The following HAUS7 variants were observed in gnomAD, a reference collection of about 807,000 sequenced individuals.
HAUS7 encodes the protein HAUS augmin-like complex subunit 7.
A neutral mutation model predicts 28.4 loss-of-function variants in HAUS7; 3 were observed. That is an observed-to-expected ratio of 0.11 (90% CI 0.05 to 0.27). HAUS7 has a LOEUF of 0.27. Among genes scored for constraint, HAUS7 ranks in the 10% least tolerant of loss-of-function variants. HAUS7 has a pLI of 1.00. For synonymous variants in HAUS7, 165 were observed against 132.1 expected (o/e 1.25, Z -1.71); for missense variants, 284 against 297.3 (o/e 0.96, Z 0.33).
In HAUS7 at chrX:153,484,859, G is replaced by A. The variant is rs73632797; in HGVS notation, c.-589+10515C>T. Reference sequence around the variant, plus strand: ...GCCGCGGCCTCTCCTGGACTCTGGCGCCACCCATCTCTTTTCGGGCTGGTG... The same window carrying A: ...GCCGCGGCCTCTCCTGGACTCTGGCACCACCCATCTCTTTTCGGGCTGGTG... On this transcript the variant is annotated intron_variant, in intron 1 of 5. Transcript: ENST00000370210. Among the ~76,000 whole-genome samples, 584 of 112,747 alleles carry A rather than the reference G, an allele frequency of 5.2e-3. 4 individuals are homozygous for A. The highest frequency in any genetic ancestry group is 0.018 in the African/African-American group (566 of 31,107).
At chrX:153,488,319 G>A (rs782148929) in intron 1 of HAUS7, among the ~76,000 whole-genome samples, 3 of 113,042 alleles carry the variant, frequency 2.7e-5, no homozygotes, top group Admixed American at 9.2e-5. Context: ...CTCTGCCTCC[G>A]GGCTGCTGGA....
chrX:153,475,881 G>C (rs1307633553), intron 1 of HAUS7, among the ~76,000 whole-genome samples: 2 of 111,706 alleles, frequency 1.8e-5, no homozygotes, highest in African/African-American at 6.5e-5. Flanking sequence ...AGGCCCAAAT[G>C]CTCCTGACCC....
At chrX:153,482,638 T>C (rs1190416070) in intron 1 of HAUS7, 2 of 733,245 alleles carry the variant, frequency 2.7e-6, no homozygotes, top group Non-Finnish European at 3.2e-6. Context: ...GGCCCTGGCC[T>C]CTAGGGGCAG....
At chrX:153,459,521 T>C (rs781891008) in intron 4 of HAUS7, among the ~76,000 whole-genome samples, 31 of 111,608 alleles carry the variant, frequency 2.8e-4, no homozygotes, top group Admixed American at 5.7e-4. Context: ...GCCTGTCTAC[T>C]GCAGCCCCTA....
At chrX:153,451,055 T>C (rs1209034255) in intron 9 of HAUS7, among the ~76,000 whole-genome samples, 2 of 112,321 alleles carry the variant, frequency 1.8e-5, no homozygotes, top group African/African-American at 6.5e-5. Flanking sequence ...ATGCCCGCCG[T>C]AGGCCTGCTC....
At chrX:153,454,845 G>A (rs1556981721) in intron 8 of HAUS7, 2 of 943,065 alleles carry the variant, frequency 2.1e-6, no homozygotes, top group Non-Finnish European at 2.9e-6. Flanking sequence ...AATGTCCCAA[G>A]AAAAATGGAC....
In HAUS7 at chrX:153,465,058, G is replaced by T; in HGVS notation, c.225-3C>A. On this transcript the variant is annotated splice_polypyrimidine_tract_variant and splice_region_variant and intron_variant, in intron 2 of 9. Transcript: ENST00000370211. Reference sequence around the variant, plus strand: ...TGTCCTGCAGTGAGGGCCAGACCCTGCAGGGAAACAGCAGAGCTGGTCAGG... The same window carrying T: ...TGTCCTGCAGTGAGGGCCAGACCCTTCAGGGAAACAGCAGAGCTGGTCAGG... 8.5e-7 allele frequency: 1 copy of T among 1,181,943 alleles called. No homozygotes were observed. The highest frequency in any genetic ancestry group is 1.2e-6 in the Non-Finnish European group (1 of 868,751).
intron 4 of HAUS7, among the ~76,000 whole-genome samples, chrX:153,459,248 T>C (rs1397575390): frequency 1.8e-5 from 2 of 111,964 alleles, no homozygotes; most frequent in Admixed American, 9.5e-5. Flanking sequence ...TTTTCTGTCT[T>C]TCTTATTGAG....
chrX:153,480,436 C>G (rs2089592373), intron 1 of HAUS7: 3 of 265,751 alleles, frequency 1.1e-5, no homozygotes, highest in South Asian at 1.8e-4. Flanking sequence ...ACTCTGTTCT[C>G]TCGCCAGTGC....
intron 1 of HAUS7, chrX:153,483,508 A>T: frequency 2.7e-6 from 2 of 741,991 alleles, no homozygotes; most frequent in Non-Finnish European, 3.2e-6. Flanking sequence ...AGGATGGCCC[A>T]GAGCAGCCCC....
chrX:153,489,346 G>A (rs1024948651), intron 1 of HAUS7, among the ~76,000 whole-genome samples: 6 of 112,282 alleles, frequency 5.3e-5, no homozygotes, highest in African/African-American at 6.5e-5. Flanking sequence ...CACGGGCCAC[G>A]CTCCGACACC....
At chrX:153,482,416 C>T in intron 1 of HAUS7, 1 of 756,650 alleles carries the variant, frequency 1.3e-6, no homozygotes, top group Non-Finnish European at 1.6e-6. Context: ...AGCTCAAACT[C>T]AACGACAACC....
At chrX:153,462,155 A>C in intron 4 of HAUS7, 2 of 1,033,425 alleles carry the variant, frequency 1.9e-6, no homozygotes, top group Non-Finnish European at 2.6e-6. Context: ...CATCGAGTGA[A>C]AACAATTATT....
chrX:153,461,947 T>G, intron 4 of HAUS7: 1 of 424,602 alleles, frequency 2.4e-6, no homozygotes, highest in Non-Finnish European at 4.2e-6. Flanking sequence ...TCACATGGAT[T>G]CACTGACGTC....
At chrX:153,470,112 G>A (rs1556984906) in intron 1 of HAUS7, among the ~76,000 whole-genome samples, 4 of 112,773 alleles carry the variant, frequency 3.5e-5, no homozygotes, top group African/African-American at 1.3e-4. Flanking sequence ...CTGCCCATCT[G>A]TCCCCCCAGA....
upstream of HAUS7, among the ~76,000 whole-genome samples, chrX:153,475,465 A>G (rs906222573): frequency 2.2e-4 from 25 of 111,881 alleles, no homozygotes; most frequent in Non-Finnish European, 4.5e-4. Flanking sequence ...GTCTGCAAGA[A>G]AAGTCATTTA....
At chrX:153,480,534 G>A in intron 1 of HAUS7, 4 of 740,545 alleles carry the variant, frequency 5.4e-6, no homozygotes, top group Non-Finnish European at 6.4e-6. Flanking sequence ...ACAGCCCCTT[G>A]GGGAAAGGAG....
At chrX:153,454,106 C>T (rs1228390441) in intron 9 of HAUS7, among the ~76,000 whole-genome samples, 1 of 112,279 alleles carries the variant, frequency 8.9e-6, no homozygotes, top group African/African-American at 3.2e-5. Flanking sequence ...AGCCACCGCG[C>T]CTGGCCCAAG....
In HAUS7 at chrX:153,480,417, G is replaced by C. The variant is rs908799263; in HGVS notation, c.-588-9272C>G. 9.9e-5 allele frequency among the ~76,000 whole-genome samples: 11 copies of C among 111,628 alleles called. No homozygotes were observed. The Admixed American group carries it at 1.0e-3, about 10-fold the overall frequency. ...CAGGGGCTGGTGGCCTGCTGCTGAC[G>C]GTGGGGACACTCTGTTCTCTCGCCA... On this transcript the variant is annotated intron_variant, in intron 1 of 5. Coordinates refer to the HAUS7 transcript ENST00000370210.
Sources: gnomAD v4.1 joint callset for allele counts (sites outside exome capture counted in the v4.1 genomes callset) on GRCh38, gnomAD v4.1.1 for gene constraint, MANE v1.5 for transcripts, NCBI Gene and HGNC (gene_info 2026-07-23, HGNC 2026-07-21) for gene names.